The following NEMP2 variants were observed in gnomAD, a reference collection of about 807,000 sequenced individuals.
NEMP2 encodes UPF0571 transmembrane protein.
NEMP2 carries 53 observed loss-of-function variants against 54.2 expected under a neutral mutation model. The ratio of observed to expected loss-of-function variants is 0.98; its 90% confidence interval spans 0.78 to 1.23. The LOEUF (loss-of-function observed/expected upper bound fraction) is 1.23, where lower values mean the gene tolerates loss of function less well. NEMP2 is among the 50% of genes most tolerant of loss of function. The pLI is 0.00. For missense variants in NEMP2, 455 were observed against 511.3 expected, an observed-to-expected ratio of 0.89 and a Z score of 1.06; for synonymous variants, 197 against 190.3, an observed-to-expected ratio of 1.04 and a Z score of -0.29.
the NEMP2 span, among the ~76,000 whole-genome samples, chr2:190,552,288 G>T: frequency 1.6e-4 from 24 of 152,294 alleles, no homozygotes; most frequent in African/African-American, 5.8e-4. Flanking sequence ...TCATTCATCA[G>T]TGTGGATGCC....
chr2:190,602,063 A>C, the NEMP2 span, among the ~76,000 whole-genome samples: 7 of 152,124 alleles, frequency 4.6e-5, no homozygotes, highest in African/African-American at 1.7e-4. Flanking sequence ...TGAAAATATG[A>C]TTTTATTAAT....
chr2:190,536,095 C>T (rs1261604707), upstream of NEMP2: 1 of 152,142 alleles, frequency 6.6e-6, no homozygotes, highest in African/African-American at 2.4e-5. Context: ...TATCACAGAT[C>T]CTTAGTAAAT....
chr2:190,469,996 G>C, the NEMP2 span: 3 of 597,798 alleles, frequency 5.0e-6, no homozygotes, highest in Non-Finnish European at 5.7e-6. The surrounding 1 kb of genome is among the most constrained non-coding windows in gnomAD (Gnocchi z 5.3). Flanking sequence ...TGTTAAGGAA[G>C]AGATGACATC....
the NEMP2 span, among the ~76,000 whole-genome samples, chr2:190,464,199 A>G: frequency 6.6e-6 from 1 of 152,222 alleles, no homozygotes; most frequent in Non-Finnish European, 1.5e-5. Flanking sequence ...TGTCAGTCTA[A>G]CGGCAAATAC....
chr2:190,580,955 T>C, the NEMP2 span, among the ~76,000 whole-genome samples: 1 of 152,198 alleles, frequency 6.6e-6, no homozygotes, highest in South Asian at 2.1e-4. The surrounding 1 kb of genome is among the most constrained non-coding windows in gnomAD (Gnocchi z 5.3). Context: ...TTTACTTCAA[T>C]GAATCAGAAA....
rs1333278937 is a variant in NEMP2 at position 190,527,057 on chromosome 2, T to G, written c.98-1679A>C. On this transcript the variant is annotated intron_variant, in intron 1 of 8. Transcript: ENST00000409150. The surrounding 1 kb of genome is among the most constrained non-coding windows in gnomAD (Gnocchi z 4.0). ...ATGAAAGTCGTAAGTTCTTCCGGAT[T>G]CAAGATAGAGTGTCACCTCCACATC... is the stretch of plus-strand genomic sequence containing the variant. Among the ~76,000 whole-genome samples the G allele has an allele frequency of 6.6e-6, 1 of 152,154 alleles. No homozygotes were observed. Among genetic ancestry groups the G allele is most frequent in the Non-Finnish European group, 1.5e-5 (1 of 68,020 alleles).
the NEMP2 span, among the ~76,000 whole-genome samples, chr2:190,547,268 T>C: frequency 6.6e-6 from 1 of 152,326 alleles, no homozygotes; most frequent in Admixed American, 6.5e-5. The surrounding 1 kb of genome is among the most constrained non-coding windows in gnomAD (Gnocchi z 6.2). Context: ...GGTGATATTT[T>C]TGACAGCTCC....
the NEMP2 span, chr2:190,433,273 G>T: frequency 6.6e-6 from 1 of 152,058 alleles, no homozygotes. This position sits in a 1 kb window ranked among gnomAD's most constrained non-coding sequence, Gnocchi z 4.5. Flanking sequence ...TTGAGCTCAG[G>T]AATTAAATTA....
At chr2:190,569,752 C>G in the NEMP2 span, among the ~76,000 whole-genome samples, 4 of 152,224 alleles carry the variant, frequency 2.6e-5, no homozygotes, top group South Asian at 2.1e-4. Flanking sequence ...TTTAAAATGC[C>G]CTATGTGAAA....
chr2:190,523,175 T>C lies in NEMP2; in HGVS notation c.213+2088A>G, dbSNP rs369740442. Reference sequence around the variant, plus strand: ...GAAATTGAAACAAATAAAAACAAACTATATTTTGAATGAATAATATAACCA... The same window carrying C: ...GAAATTGAAACAAATAAAAACAAACCATATTTTGAATGAATAATATAACCA... On this transcript the variant is annotated intron_variant, in intron 2 of 8. Coordinates refer to ENST00000409150, the MANE Select transcript of NEMP2 (RefSeq NM_001142645.2). The surrounding 1 kb of genome is among the most constrained non-coding windows in gnomAD (Gnocchi z 5.3). Among the ~76,000 whole-genome samples, 20 of 152,222 alleles carry C rather than the reference T, an allele frequency of 1.3e-4. No homozygotes were observed. The highest frequency in any genetic ancestry group is 4.1e-4 in the African/African-American group (17 of 41,534).
At chr2:190,460,001 A>G in the NEMP2 span, among the ~76,000 whole-genome samples, 1 of 152,246 alleles carries the variant, frequency 6.6e-6, no homozygotes, top group African/African-American at 2.4e-5. Flanking sequence ...GGTGGCTCCC[A>G]GGATCTCCTT....
the NEMP2 span, among the ~76,000 whole-genome samples, chr2:190,425,877 A>G: frequency 6.6e-6 from 1 of 152,080 alleles, no homozygotes; most frequent in Non-Finnish European, 1.5e-5. The surrounding 1 kb of genome is among the most constrained non-coding windows in gnomAD (Gnocchi z 4.3). Flanking sequence ...TTAGCACTTA[A>G]AAAAAATTGT....
the NEMP2 span, chr2:190,463,957 G>A: frequency 1.1e-6 from 1 of 902,478 alleles, no homozygotes; most frequent in African/African-American, 1.8e-5. The surrounding 1 kb of genome is among the most constrained non-coding windows in gnomAD (Gnocchi z 4.4). Context: ...CTGTGCTCCA[G>A]GGATCTGGTG....
chr2:190,540,324 C>A, the NEMP2 span, among the ~76,000 whole-genome samples: 2,838 of 151,864 alleles, frequency 0.019, 44 homozygotes, highest in Middle Eastern at 0.034. Context: ...CACTTTATCA[C>A]CCATACTGGA....
chr2:190,583,136 A>G, the NEMP2 span, among the ~76,000 whole-genome samples: 1 of 152,160 alleles, frequency 6.6e-6, no homozygotes, highest in African/African-American at 2.4e-5. Context: ...TACTTACCTA[A>G]GAGGAGCTTG....
At chr2:190,537,197 C>T (rs375533779), upstream of NEMP2, among the ~76,000 whole-genome samples, 4 of 152,168 alleles carry the variant, frequency 2.6e-5, no homozygotes, top group Non-Finnish European at 5.9e-5. Context: ...AAATTAAAAA[C>T]ACCGTATCAG....
the NEMP2 span, among the ~76,000 whole-genome samples, chr2:190,564,909 G>T: frequency 6.6e-6 from 1 of 152,326 alleles, no homozygotes; most frequent in African/African-American, 2.4e-5. The surrounding 1 kb of genome is among the most constrained non-coding windows in gnomAD (Gnocchi z 4.2). Flanking sequence ...GATGTAAAAG[G>T]AGAGAAAGCC....
the NEMP2 span, among the ~76,000 whole-genome samples, chr2:190,605,688 T>C: frequency 1.3e-5 from 2 of 152,242 alleles, no homozygotes; most frequent in Non-Finnish European, 2.9e-5. Context: ...ACCATGTCTT[T>C]TGAGTCTATG....
chr2:190,514,776 G>T lies in NEMP2; in HGVS notation c.728-98C>A. 1 of 1,181,670 alleles carries T rather than the reference G, an allele frequency of 8.5e-7. No individual in the cohort carries two copies. Among genetic ancestry groups the T allele is most frequent in the Non-Finnish European group, 1.2e-6 (1 of 838,196 alleles). The allele number at this position is 1,181,670 out of a possible 1,614,324, so 73.2% of individuals were successfully genotyped here. ...TGACTTAAAGGTAAAAACTATTAGAGAACCTTAATTTTTGTGTTTTTTACC... is the reference window on the plus strand; with the variant it reads ...TGACTTAAAGGTAAAAACTATTAGATAACCTTAATTTTTGTGTTTTTTACC... On this transcript the variant is annotated intron_variant, in intron 6 of 8. Transcript: ENST00000409150. The surrounding 1 kb of genome is among the most constrained non-coding windows in gnomAD (Gnocchi z 5.7).
Sources: allele counts gnomAD v4.1 joint callset (sites outside exome capture counted in the v4.1 genomes callset), GRCh38; gene constraint gnomAD v4.1.1; non-coding constraint Gnocchi (gnomAD v3.1); transcripts MANE v1.5; gene names NCBI Gene and HGNC (gene_info 2026-07-23, HGNC 2026-07-21).